The following ZNF569 variants were observed in gnomAD, a reference collection of about 807,000 sequenced individuals.
ZNF569 encodes DNA-binding protein.
A neutral mutation model predicts 56.3 loss-of-function variants in ZNF569; 38 were observed. That is an observed-to-expected ratio of 0.68 (90% confidence interval 0.52 to 0.88). The LOEUF (loss-of-function observed/expected upper bound fraction) is 0.88. Ranked by LOEUF, ZNF569 falls within the 40% of genes least tolerant of loss-of-function variation. The probability of loss-of-function intolerance (pLI) is 0.00; values close to 1 mark genes in which losing one functional copy is unlikely to be tolerated. For missense variants in ZNF569, 666 were observed against 809.2 expected (o/e 0.82, Z 2.15); for synonymous variants, 241 against 262.9 (o/e 0.92, Z 0.81).
chr19:37,450,385 C>T (rs1322042850), intron 2 of ZNF569, among the ~76,000 whole-genome samples: 3 of 152,040 alleles, frequency 2.0e-5, no homozygotes, highest in Non-Finnish European at 2.9e-5. Context: ...CTTGGTAGTT[C>T]GTATGTTTCT....
chr19:37,434,789 A>G (rs1355202435), intron 3 of ZNF569, among the ~76,000 whole-genome samples: 2 of 152,194 alleles, frequency 1.3e-5, no homozygotes, highest in East Asian at 3.8e-4. Context: ...GGTTCTTTGT[A>G]ATTCTCCCCA....
intron 5 of ZNF569, among the ~76,000 whole-genome samples, chr19:37,421,374 A>G (rs2146875619): frequency 6.6e-6 from 1 of 152,328 alleles, no homozygotes; most frequent in East Asian, 1.9e-4. Flanking sequence ...TTGCATCTAC[A>G]TCGGAACGCT....
intron 2 of ZNF569, among the ~76,000 whole-genome samples, chr19:37,448,563 T>TC (rs1463993018): frequency 2.2e-5 from 3 of 137,780 alleles, no homozygotes; most frequent in African/African-American, 8.4e-5. Flanking sequence ...AATCTTTTTT[T>TC]TTTTTTTTTT....
intron 2 of ZNF569, among the ~76,000 whole-genome samples, chr19:37,464,632 GC>G (rs1212720819): frequency 1.3e-5 from 2 of 152,124 alleles, no homozygotes; most frequent in Non-Finnish European, 2.9e-5. Context: ...AATAGGCTGT[GC>G]CATATAGCCT....
intron 2 of ZNF569, among the ~76,000 whole-genome samples, chr19:37,457,357 T>TACTCCC (rs2041689408): frequency 6.6e-6 from 1 of 152,188 alleles, no homozygotes; most frequent in East Asian, 1.9e-4. Context: ...TGTTTAAACT[T>TACTCCC]CTTTTTTTCC....
chr19:37,415,455 T>C (rs1355557724), intron 5 of ZNF569, among the ~76,000 whole-genome samples: 2 of 152,100 alleles, frequency 1.3e-5, no homozygotes, highest in Non-Finnish European at 2.9e-5. Context: ...ACACCAGCAC[T>C]TTACTTAATG....
intron 2 of ZNF569, among the ~76,000 whole-genome samples, chr19:37,459,906 C>G (rs1012970835): frequency 1.3e-5 from 2 of 151,958 alleles, no homozygotes; most frequent in African/African-American, 4.8e-5. Flanking sequence ...CTTAAAAATA[C>G]ACATTGAAAA....
At position 37,412,577 on chromosome 19, in the gene ZNF569, T is replaced by C; in HGVS notation, c.*20A>G. The C allele has an allele frequency of 6.4e-7, 1 of 1,553,296 alleles. No homozygotes were observed. The highest frequency in any genetic ancestry group is 8.7e-7 in the Non-Finnish European group (1 of 1,153,228). On this transcript the variant is annotated 3_prime_UTR_variant, in exon 6 of 6. Coordinates refer to ENST00000316950, the MANE Select transcript of ZNF569 (RefSeq NM_152484.3). ...ATTCCTTCAGATGGCCTTGCCATAT[T>C]CACAATATTCATAGGGTTTCTAATG...
intron 2 of ZNF569, among the ~76,000 whole-genome samples, chr19:37,448,720 C>T (rs1275303752): frequency 6.6e-6 from 1 of 151,804 alleles, no homozygotes; most frequent in Non-Finnish European, 1.5e-5. Flanking sequence ...CCCGCAACCA[C>T]GCCCGGCTGA....
intron 2 of ZNF569, among the ~76,000 whole-genome samples, chr19:37,449,004 C>T (rs2041548045): frequency 6.6e-6 from 1 of 152,136 alleles, no homozygotes; most frequent in Non-Finnish European, 1.5e-5. Context: ...TTAGCTGCTT[C>T]CCACATATTT....
chr19:37,432,507 C>T (rs1422979749), intron 3 of ZNF569, among the ~76,000 whole-genome samples: 1 of 152,212 alleles, frequency 6.6e-6, no homozygotes, highest in Non-Finnish European at 1.5e-5. Context: ...AAACTTAGAT[C>T]ACAACACCCA....
At chr19:37,424,286 T>C (rs1171709006) in intron 5 of ZNF569, among the ~76,000 whole-genome samples, 1 of 152,066 alleles carries the variant, frequency 6.6e-6, no homozygotes, top group South Asian at 2.1e-4. Context: ...AGTGAATGTA[T>C]GCAAAAAGAA....
intron 5 of ZNF569, among the ~76,000 whole-genome samples, chr19:37,421,702 T>C (rs2041037879): frequency 6.6e-6 from 1 of 152,016 alleles, no homozygotes; most frequent in Admixed American, 6.6e-5. Context: ...GCTATTTTGC[T>C]TTCTTATCAT....
intron 2 of ZNF569, among the ~76,000 whole-genome samples, chr19:37,459,243 A>C (rs926187930): frequency 6.6e-6 from 1 of 152,046 alleles, no homozygotes; most frequent in Non-Finnish European, 1.5e-5. Context: ...ACCAAAAAAA[A>C]CCACACGTGT....
At chr19:37,419,825 T>C (rs2040999603) in intron 5 of ZNF569, among the ~76,000 whole-genome samples, 1 of 152,130 alleles carries the variant, frequency 6.6e-6, no homozygotes, top group South Asian at 2.1e-4. Context: ...TTAAAAATGC[T>C]AACAATCATC....
At chr19:37,446,253 G>A (rs1303912256) in intron 2 of ZNF569, among the ~76,000 whole-genome samples, 2 of 152,092 alleles carry the variant, frequency 1.3e-5, no homozygotes, top group Non-Finnish European at 2.9e-5. Flanking sequence ...GCCATATGTA[G>A]AAGAATGAAA....
intron 2 of ZNF569, among the ~76,000 whole-genome samples, chr19:37,463,990 G>T (rs1284769531): frequency 6.6e-6 from 1 of 152,002 alleles, no homozygotes; most frequent in Non-Finnish European, 1.5e-5. Flanking sequence ...AAATTTAAAA[G>T]TTCATGAAGT....
chr19:37,465,960 G>A (rs1388695995), intron 1 of ZNF569, among the ~76,000 whole-genome samples: 1 of 152,188 alleles, frequency 6.6e-6, no homozygotes, highest in African/African-American at 2.4e-5. Context: ...TTGTTTAAAT[G>A]GAAAGATACT....
rs2040876598 is a variant in ZNF569, at chr19:37,413,564, T to G, written c.1094A>C (p.Gln365Pro). 1 of 1,613,450 alleles carries G rather than the reference T, an allele frequency of 6.2e-7. No individual in the cohort carries two copies. The highest frequency in any genetic ancestry group is 1.7e-5 in the Admixed American group (1 of 59,896). The part of the protein sequence containing the change: ...KCDKCGKAFS[Q>P]FSMLIIHVRI... The stretch of plus-strand genomic sequence containing the variant: ...AACATGTATAATAAGCATGGAAAAC[T>G]GAGAGAAGGCTTTACCACATTTATC... Residue 365 changes from glutamine (Q) to proline (P), a missense_variant, in exon 6 of 6, where the codon CAG (glutamine) becomes CCG (proline). Physicochemically the swap from Gln to Pro is moderately conservative, Grantham distance 76 (BLOSUM62 -1). Coordinates refer to ENST00000316950, the MANE Select transcript of ZNF569 (RefSeq NM_152484.3).
Sources: allele counts gnomAD v4.1 joint callset (sites outside exome capture counted in the v4.1 genomes callset), GRCh38; gene constraint gnomAD v4.1.1; transcripts MANE v1.5; gene names NCBI Gene and HGNC (gene_info 2026-07-23, HGNC 2026-07-21).